RBM33: variants seen among roughly 807,000 people sequenced by gnomAD.
RBM33 encodes RNA-binding protein 33.
RBM33 carries 28 observed loss-of-function variants against 132.6 expected under a neutral mutation model. The observed-to-expected ratio is 0.21, with a 90% CI of 0.16 to 0.29. The LOEUF (loss-of-function observed/expected upper bound fraction) is 0.29. RBM33 is among the 10% of genes least tolerant of loss of function. RBM33 has a pLI of 1.00. For synonymous variants in RBM33, 634 were observed against 593.0 expected (o/e 1.07, Z -1.01); for missense variants, 1,291 against 1,518.5 (o/e 0.85, Z 2.49).
At position 155,739,988 on chromosome 7, in the gene RBM33, A is replaced by G; in HGVS notation, c.2011A>G (p.Ser671Gly). 6.4e-7 allele frequency: 1 copy of G among 1,564,732 alleles called. No homozygotes were observed. Among genetic ancestry groups the G allele is most frequent in the Non-Finnish European group, 8.7e-7 (1 of 1,152,850 alleles). Reference protein sequence around the residue: ...VQTAQPQASSSRMQCPQRQGL... With the variant: ...VQTAQPQASSGRMQCPQRQGL... The stretch of plus-strand genomic sequence containing the variant: ...GACCGCTCAGCCTCAGGCCAGCAGC[A>G]GCCGGATGCAGTGCCCCCAGCGCCA... The change falls in exon 12 of 18, where the codon AGC becomes GGC. Residue 671 changes from serine to glycine, a missense_variant. Ser to Gly is a moderately conservative substitution (Grantham distance 56, BLOSUM62 0). This residue lies in a region of RBM33 where 841 missense variants were observed against 912.0 expected (regional missense o/e 0.92). Transcript: ENST00000401878.
At chr7:155,683,818 T>A (rs1799400968) in intron 5 of RBM33, among the ~76,000 whole-genome samples, 1 of 152,198 alleles carries the variant, frequency 6.6e-6, no homozygotes, top group Non-Finnish European at 1.5e-5. Context: ...TTAACATAGA[T>A]TAAGATTTTA....
intron 3 of RBM33, among the ~76,000 whole-genome samples, chr7:155,673,768 G>GCA (rs369116329): frequency 0.09 from 11,915 of 132,874 alleles, 820 homozygotes; most frequent in Non-Finnish European, 0.11. Context: ...GCGCATGCGC[G>GCA]CACACACACA....
At chr7:155,685,270 T>C (rs1208771980) in intron 5 of RBM33, among the ~76,000 whole-genome samples, 4 of 152,164 alleles carry the variant, frequency 2.6e-5, no homozygotes, top group Non-Finnish European at 4.4e-5. Context: ...GTGTTGTAAA[T>C]GTTTTGTGGG....
At chr7:155,724,272 C>T (rs1276298633) in intron 9 of RBM33, among the ~76,000 whole-genome samples, 3 of 152,126 alleles carry the variant, frequency 2.0e-5, no homozygotes, top group Non-Finnish European at 4.4e-5. Context: ...TTCTGGCCAG[C>T]GCTCCCAGCA....
chr7:155,737,597 T>C lies in RBM33; in HGVS notation c.1328T>C (p.Leu443Pro), dbSNP rs1338822187. ...VPNSFSQPPR[L>P]PLQDQWRAPP... ...AACAGTTTCAGCCAGCCCCCACGAC[T>C]CCCTCTCCAGGACCAGTGGAGAGCC... is the stretch of plus-strand genomic sequence containing the variant. Residue 443 changes from leucine (L) to proline (P), a missense_variant, in exon 10 of 18, where the codon CTC (leucine) becomes CCC (proline). By Grantham distance (98) the Leu-to-Pro change is moderately conservative (BLOSUM62 -3). Around this residue, in one of 7 missense-constraint regions of RBM33, gnomAD observed 841 missense variants for 912.0 expected, o/e 0.92. Transcript: ENST00000401878. 6 of 1,612,796 alleles carry C rather than the reference T, an allele frequency of 3.7e-6. No individual in the cohort carries two copies. The highest frequency in any genetic ancestry group is 5.1e-6 in the Non-Finnish European group (6 of 1,179,406).
At chr7:155,655,959 C>T (rs1381213187) in intron 1 of RBM33, among the ~76,000 whole-genome samples, 2 of 152,108 alleles carry the variant, frequency 1.3e-5, no homozygotes, top group Admixed American at 1.3e-4. Flanking sequence ...CTTATTTCTT[C>T]TGTAGAACAT....
intron 5 of RBM33, among the ~76,000 whole-genome samples, chr7:155,685,827 G>A (rs1463174830): frequency 6.6e-6 from 1 of 152,194 alleles, no homozygotes; most frequent in African/African-American, 2.4e-5. Flanking sequence ...TTCATCTTTT[G>A]TCAGGAGGCC....
At chr7:155,760,886 G>A (rs1802011892) in intron 14 of RBM33, among the ~76,000 whole-genome samples, 1 of 152,192 alleles carries the variant, frequency 6.6e-6, no homozygotes, top group South Asian at 2.1e-4. Flanking sequence ...GATTTTGCGA[G>A]CGGTCTGCCT....
intron 14 of RBM33, among the ~76,000 whole-genome samples, chr7:155,756,382 A>G (rs1801852059): frequency 6.6e-6 from 1 of 152,254 alleles, no homozygotes; most frequent in Admixed American, 6.5e-5. Flanking sequence ...GAGTATAGGT[A>G]TAAAAATATG....
intron 9 of RBM33, among the ~76,000 whole-genome samples, chr7:155,725,953 AAAAG>A (rs1301779885): frequency 1.3e-5 from 2 of 152,202 alleles, no homozygotes; most frequent in African/African-American, 2.4e-5. Context: ...ACCTGAAAGA[AAAAG>A]AAATCTATGG....
chr7:155,659,575 A>G (rs1380360326), intron 1 of RBM33, among the ~76,000 whole-genome samples: 1 of 152,152 alleles, frequency 6.6e-6, no homozygotes, highest in Non-Finnish European at 1.5e-5. Context: ...CATAAAAATG[A>G]ACAGAGTCTA....
chr7:155,766,395 C>G, intron 15 of RBM33, 72 bp from the exon 16 acceptor site: 1 of 1,497,128 alleles, frequency 6.7e-7, no homozygotes, highest in African/African-American at 1.4e-5. Context: ...TATTTGTTCA[C>G]TTTTATATCT....
intron 5 of RBM33, among the ~76,000 whole-genome samples, chr7:155,687,068 A>G (rs1799499113): frequency 1.3e-5 from 2 of 152,298 alleles, no homozygotes; most frequent in South Asian, 4.1e-4. Flanking sequence ...GTCTTCCACA[A>G]TGGTTGAACT....
intron 6 of RBM33, chr7:155,701,255 G>A (rs1476607260): frequency 1.1e-5 from 5 of 458,914 alleles, no homozygotes; most frequent in African/African-American, 8.0e-5. Flanking sequence ...TGAAAAGGTG[G>A]CATGGGGATG....
Position 155,745,483 on chromosome 7 carries a change from G to A in RBM33, c.2860G>A (p.Gly954Ser). 1 of 1,613,670 alleles carries A rather than the reference G, an allele frequency of 6.2e-7. No individual in the cohort carries two copies. Among genetic ancestry groups the A allele is most frequent in the South Asian group, 1.1e-5 (1 of 90,974 alleles). The change falls in exon 14 of 18, where the codon GGC becomes AGC. Residue 954 changes from glycine (G) to serine (S), a missense_variant. Coordinates refer to ENST00000401878, the MANE Select transcript of RBM33 (RefSeq NM_053043.3). This position sits in a 1 kb window ranked among gnomAD's most constrained non-coding sequence, Gnocchi z 4.1. ...PQTPRVASIQGRPQDTKPGVK... is the reference protein window; with the variant it reads ...PQTPRVASIQSRPQDTKPGVK... ...GACTCCTCGAGTGGCGTCCATCCAG[G>A]GCCGGCCCCAGGACACAAAGCCTGG... is the stretch of plus-strand genomic sequence containing the variant.
chr7:155,715,161 G>A (rs547762698), intron 8 of RBM33, among the ~76,000 whole-genome samples: 18 of 152,268 alleles, frequency 1.2e-4, no homozygotes, highest in African/African-American at 3.6e-4. Context: ...TGCAGTAGCC[G>A]TTGAATGAAT....
At chr7:155,682,573 G>A (rs1403138736) in intron 5 of RBM33, among the ~76,000 whole-genome samples, 1 of 152,174 alleles carries the variant, frequency 6.6e-6, no homozygotes, top group Non-Finnish European at 1.5e-5. Flanking sequence ...TAATCGTCCT[G>A]GGTTCTTTCC....
chr7:155,687,235 A>G (rs1358551230), intron 5 of RBM33, among the ~76,000 whole-genome samples: 2 of 152,156 alleles, frequency 1.3e-5, no homozygotes, highest in Admixed American at 6.5e-5. Flanking sequence ...GGCCAGTGAT[A>G]ATGAGCATTT....
chr7:155,699,791 G>A (rs1339346220), intron 5 of RBM33, among the ~76,000 whole-genome samples: 1 of 152,104 alleles, frequency 6.6e-6, no homozygotes, highest in Non-Finnish European at 1.5e-5. Flanking sequence ...TGTGTCATTG[G>A]TTTGTTTTCA....
Sources: allele counts gnomAD v4.1 joint callset (sites outside exome capture counted in the v4.1 genomes callset), GRCh38; gene constraint gnomAD v4.1.1; regional missense constraint gnomAD v4.1.1; non-coding constraint Gnocchi (gnomAD v3.1); transcripts MANE v1.5; gene names NCBI Gene and HGNC (gene_info 2026-07-23, HGNC 2026-07-21).